The following WWOX variants were observed in gnomAD, a reference collection of about 807,000 sequenced individuals.
WWOX encodes the protein WW domain containing oxidoreductase, also known as WW domain-containing oxidoreductase.
WWOX carries 69 observed loss-of-function variants against 46.2 expected under a neutral mutation model. That is an observed-to-expected ratio of 1.49 (90% CI 1.23 to 1.82). The LOEUF is 1.82. WWOX is among the 40% of genes most tolerant of loss of function. The pLI is 0.00. For synonymous variants in WWOX, 359 were observed against 202.6 expected, an observed-to-expected ratio of 1.77 and a Z score of -6.56; for missense variants, 919 against 542.6, an observed-to-expected ratio of 1.69 and a Z score of -6.89.
intron 5 of WWOX, among the ~76,000 whole-genome samples, chr16:78,321,169 T>G (rs543184672): frequency 1.3e-4 from 20 of 151,974 alleles, no homozygotes; most frequent in African/African-American, 4.3e-4. Flanking sequence ...AGGCCTTAAT[T>G]GAAAATGTAT....
intron 5 of WWOX, among the ~76,000 whole-genome samples, chr16:78,366,666 T>G (rs564596353): frequency 1.3e-5 from 2 of 152,216 alleles, no homozygotes; most frequent in Non-Finnish European, 2.9e-5. Context: ...CACTTTTGCT[T>G]TCATGCTATT....
intron 8 of WWOX, among the ~76,000 whole-genome samples, chr16:78,566,732 C>A (rs369106709): frequency 3.9e-5 from 6 of 152,174 alleles, no homozygotes; most frequent in Non-Finnish European, 7.3e-5. Context: ...GGCTTTACTT[C>A]CTCCTCCTAG....
At chr16:78,387,827 A>G (rs904251007) in intron 6 of WWOX, among the ~76,000 whole-genome samples, 4 of 152,136 alleles carry the variant, frequency 2.6e-5, no homozygotes, top group African/African-American at 7.2e-5. Context: ...TAAGTTAATA[A>G]TAGCACAGGT....
At chr16:78,591,434 C>G (rs74417605) in intron 8 of WWOX, among the ~76,000 whole-genome samples, 1 of 152,288 alleles carries the variant, frequency 6.6e-6, no homozygotes, top group African/African-American at 2.4e-5. Context: ...CGTAGACCTT[C>G]CCTCACACTT....
chr16:78,208,120 T>C (rs927293089), intron 5 of WWOX, among the ~76,000 whole-genome samples: 1 of 152,244 alleles, frequency 6.6e-6, no homozygotes, highest in Non-Finnish European at 1.5e-5. Flanking sequence ...GCCTCAGCAG[T>C]GCTCTTCTGG....
At chr16:78,519,733 ATTT>A (rs2043309334) in intron 8 of WWOX, among the ~76,000 whole-genome samples, 2 of 152,012 alleles carry the variant, frequency 1.3e-5, no homozygotes, top group Non-Finnish European at 2.9e-5. Context: ...ACCGTTATCC[ATTT>A]TACCATGTGA....
At chr16:78,106,707 C>T (rs1344803656) in intron 1 of WWOX, among the ~76,000 whole-genome samples, 2 of 152,152 alleles carry the variant, frequency 1.3e-5, no homozygotes, top group African/African-American at 4.8e-5. Context: ...TGAGCCACCG[C>T]GCCCGGCCAC....
intron 8 of WWOX, among the ~76,000 whole-genome samples, chr16:78,900,484 C>G (rs906948273): frequency 3.9e-5 from 6 of 152,152 alleles, no homozygotes; most frequent in Admixed American, 3.3e-4. Context: ...GATCCTGCCT[C>G]ACAACTTTCA....
chr16:79,152,332 G>A (rs188357267), intron 8 of WWOX, among the ~76,000 whole-genome samples: 3 of 152,268 alleles, frequency 2.0e-5, no homozygotes, highest in Admixed American at 1.3e-4. Flanking sequence ...AGGAGTGGAA[G>A]AGGAGTCTGG....
intron 8 of WWOX, among the ~76,000 whole-genome samples, chr16:78,741,782 G>A (rs943575683): frequency 6.6e-6 from 1 of 152,176 alleles, no homozygotes; most frequent in African/African-American, 2.4e-5. Flanking sequence ...TTGAATCCAG[G>A]AGACGGAGGT....
chr16:79,107,009 C>A (rs532986816), intron 8 of WWOX, among the ~76,000 whole-genome samples: 1 of 151,944 alleles, frequency 6.6e-6, no homozygotes, highest in Non-Finnish European at 1.5e-5. Flanking sequence ...TGGGGTTTCA[C>A]CATGGTGGCC....
intron 8 of WWOX, among the ~76,000 whole-genome samples, chr16:79,006,479 T>G (rs1277250785): frequency 1.3e-5 from 2 of 151,544 alleles, no homozygotes; most frequent in African/African-American, 4.8e-5. Flanking sequence ...ATTTCTTGAA[T>G]GCTTTTAGCC....
chr16:78,204,514 T>TG (rs2036331493), intron 5 of WWOX, among the ~76,000 whole-genome samples: 5 of 75,432 alleles, frequency 6.6e-5, no homozygotes, highest in African/African-American at 4.2e-4. Flanking sequence ...TTATTCCTTG[T>TG]ATTTTTTTGT....
intron 8 of WWOX, among the ~76,000 whole-genome samples, chr16:78,467,450 A>G (rs897268676): frequency 7.2e-5 from 11 of 152,228 alleles, no homozygotes; most frequent in African/African-American, 2.7e-4. Context: ...CAGAAATTAA[A>G]GACTGTAGAC....
chr16:78,683,256 A>T (rs1444787282), intron 8 of WWOX, among the ~76,000 whole-genome samples: 1 of 151,968 alleles, frequency 6.6e-6, no homozygotes, highest in Non-Finnish European at 1.5e-5. Flanking sequence ...CACACTTGTA[A>T]TCTTAGCACT....
At chr16:78,523,568 C>G (rs2043394885) in intron 8 of WWOX, among the ~76,000 whole-genome samples, 1 of 152,202 alleles carries the variant, frequency 6.6e-6, no homozygotes, top group African/African-American at 2.4e-5. Context: ...TGCCAGTGGA[C>G]AGTCTGATGG....
intron 8 of WWOX, among the ~76,000 whole-genome samples, chr16:79,084,994 T>C (rs964580809): frequency 5.9e-5 from 9 of 151,870 alleles, no homozygotes; most frequent in East Asian, 1.9e-4. Flanking sequence ...GGCACAATTA[T>C]AGCTCACCAC....
At chr16:78,275,212 C>G (rs915328879) in intron 5 of WWOX, among the ~76,000 whole-genome samples, 1 of 152,124 alleles carries the variant, frequency 6.6e-6, no homozygotes, top group Non-Finnish European at 1.5e-5. Flanking sequence ...GCTGCCCCCA[C>G]CCCCACATCC....
In WWOX at chr16:78,851,703, A is replaced by G. The variant is rs141920395; in HGVS notation, c.1057-359905A>G. Among the ~76,000 whole-genome samples, 1,142 of 152,322 alleles carry G rather than the reference A, an allele frequency of 7.5e-3. 9 individuals are homozygous for G. Among genetic ancestry groups the G allele is most frequent in the African/African-American group, 0.022 (920 of 41,584 alleles). On this transcript the variant is annotated intron_variant, in intron 8 of 8. Coordinates refer to ENST00000566780, the MANE Select transcript of WWOX (RefSeq NM_016373.4). ...CAAAATACAAGGTGACTCCAAATATAAAACAATTTTTTATTTTCAAATGAA... is the reference window on the plus strand; with the variant it reads ...CAAAATACAAGGTGACTCCAAATATGAAACAATTTTTTATTTTCAAATGAA...
Sources: allele counts gnomAD v4.1 joint callset (sites outside exome capture counted in the v4.1 genomes callset), GRCh38; gene constraint gnomAD v4.1.1; transcripts MANE v1.5; gene names NCBI Gene and HGNC (gene_info 2026-07-23, HGNC 2026-07-21).